PTCHD4: variants seen among roughly 807,000 people sequenced by gnomAD.
PTCHD4 encodes patched domain-containing protein 4.
PTCHD4 carries 33 observed loss-of-function variants against 58.1 expected under a neutral mutation model. That is an observed-to-expected ratio of 0.57 (90% CI 0.43 to 0.76). The LOEUF is 0.76. PTCHD4 is among the 30% of genes least tolerant of loss of function. The pLI is 0.00. For missense variants in PTCHD4, 1,058 were observed against 1,027.1 expected (o/e 1.03, Z -0.41); for synonymous variants, 478 against 409.6 (o/e 1.17, Z -2.02).
chr6:47,866,961 T>C lies in PTCHD4; in HGVS notation c.*11342A>G, dbSNP rs928376550. On this transcript the variant is annotated 3_prime_UTR_variant, in exon 5 of 5. Transcript: ENST00000339488. ...CAGTTATTTTTCATCACATATAATT[T>C]ACATTTGGACTTCTCTGTACATGCA... 1.3e-5 allele frequency among the ~76,000 whole-genome samples: 2 copies of C among 151,800 alleles called. No individual in the cohort carries two copies. Among genetic ancestry groups the C allele is most frequent in the Non-Finnish European group, 2.9e-5 (2 of 67,832 alleles).
At chr6:47,953,144 C>T (rs1031237990) in intron 4 of PTCHD4, among the ~76,000 whole-genome samples, 1 of 152,054 alleles carries the variant, frequency 6.6e-6, no homozygotes, top group African/African-American at 2.4e-5. Context: ...GAGTTCCCCC[C>T]TTAACTTCTG....
intron 4 of PTCHD4, among the ~76,000 whole-genome samples, chr6:48,001,557 T>C (rs1581999238): frequency 6.6e-6 from 1 of 152,230 alleles, no homozygotes; most frequent in Admixed American, 6.5e-5. Flanking sequence ...GATAGCCATA[T>C]GTGGAAAGCT....
intron 4 of PTCHD4, among the ~76,000 whole-genome samples, chr6:47,893,290 C>T (rs540037139): frequency 6.6e-5 from 10 of 151,202 alleles, no homozygotes; most frequent in Admixed American, 1.3e-4. Context: ...ATTACAGGCG[C>T]GAGCCACAAC....
intron 4 of PTCHD4, among the ~76,000 whole-genome samples, chr6:47,910,110 T>TA (rs1765023343): frequency 6.6e-6 from 1 of 152,194 alleles, no homozygotes; most frequent in Admixed American, 6.6e-5. Flanking sequence ...ACTGGATGTG[T>TA]AAAACACTTC....
At chr6:47,903,573 C>T (rs954267222) in intron 4 of PTCHD4, among the ~76,000 whole-genome samples, 1 of 152,084 alleles carries the variant, frequency 6.6e-6, no homozygotes, top group Non-Finnish European at 1.5e-5. Context: ...CCTTGGCCTC[C>T]GAAGGTGCTG....
chr6:47,907,522 A>T (rs1764930360), intron 4 of PTCHD4, among the ~76,000 whole-genome samples: 1 of 152,162 alleles, frequency 6.6e-6, no homozygotes, highest in African/African-American at 2.4e-5. Context: ...CATGGGATGA[A>T]TGCCCTCTGT....
At chr6:48,067,917 C>A (rs1375839766) in intron 3 of PTCHD4, among the ~76,000 whole-genome samples, 1 of 151,780 alleles carries the variant, frequency 6.6e-6, no homozygotes, top group Non-Finnish European at 1.5e-5. Context: ...ACTCAGTTGC[C>A]CATCTTTTCC....
In PTCHD4 at chr6:47,878,518, C is replaced by T; in HGVS notation, c.2317G>A (p.Val773Met). Reference protein sequence around the residue: ...FLIGLVPLLFVPSNLTFTLFK... With the variant: ...FLIGLVPLLFMPSNLTFTLFK... Reference sequence around the variant, plus strand: ...AGTGTGAAGGTCAGGTTCGAAGGCACAAATAGAAGGGGGACTAACCCAATA... The same window carrying T: ...AGTGTGAAGGTCAGGTTCGAAGGCATAAATAGAAGGGGGACTAACCCAATA... The change falls in exon 5 of 5, where the codon GTG (valine) becomes ATG (methionine). Residue 773 changes from valine (V) to methionine (M), a missense_variant. Transcript: ENST00000339488. 6.2e-7 allele frequency: 1 copy of T among 1,613,418 alleles called. No homozygotes were observed. Among genetic ancestry groups the T allele is most frequent in the Non-Finnish European group, 8.5e-7 (1 of 1,179,690 alleles).
chr6:48,057,064 C>A (rs1764432405), intron 3 of PTCHD4, among the ~76,000 whole-genome samples: 1 of 152,152 alleles, frequency 6.6e-6, no homozygotes, highest in Admixed American at 6.5e-5. Context: ...ATTTGGCAAC[C>A]CATCAGGTGC....
At chr6:48,006,322 G>A (rs1011733671) in intron 4 of PTCHD4, among the ~76,000 whole-genome samples, 3 of 152,080 alleles carry the variant, frequency 2.0e-5, no homozygotes, top group Admixed American at 6.5e-5. Flanking sequence ...AATACCTCTC[G>A]GGCTTCACAG....
At chr6:48,097,481 A>G (rs1765498214) in intron 1 of PTCHD4, among the ~76,000 whole-genome samples, 1 of 152,202 alleles carries the variant, frequency 6.6e-6, no homozygotes, top group African/African-American at 2.4e-5. Flanking sequence ...AAAGAATTCC[A>G]AGTAGCATGC....
chr6:47,916,861 A>G (rs1182390643), intron 4 of PTCHD4, among the ~76,000 whole-genome samples: 1 of 152,164 alleles, frequency 6.6e-6, no homozygotes, highest in Non-Finnish European at 1.5e-5. Flanking sequence ...AGTTGGAGAC[A>G]ATAATTAGAG....
In PTCHD4 at chr6:47,858,427, G is replaced by A. The variant is rs1249607043; in HGVS notation, c.*19876C>T. Among the ~76,000 whole-genome samples, 5 of 151,980 alleles carry A rather than the reference G, an allele frequency of 3.3e-5. No homozygotes were observed. The highest frequency in any genetic ancestry group is 1.2e-4 in the African/African-American group (5 of 41,402). Reference sequence around the variant, plus strand: ...AGTAACAATCTCAGCTGAGAATGAGGCAGAAATGTAAACATTAATGGAAAT... The same window carrying A: ...AGTAACAATCTCAGCTGAGAATGAGACAGAAATGTAAACATTAATGGAAAT... On this transcript the variant is annotated 3_prime_UTR_variant, in exon 5 of 5. Transcript: ENST00000339488.
Position 47,879,312 on chromosome 6 carries a change from T to C in PTCHD4, c.1523A>G (p.Tyr508Cys), listed in dbSNP as rs1328977218. 3 of 1,612,902 alleles carry C rather than the reference T, an allele frequency of 1.9e-6. No homozygotes were observed. Among genetic ancestry groups the C allele is most frequent in the Non-Finnish European group, 2.5e-6 (3 of 1,179,476 alleles). Residue 508 changes from tyrosine to cysteine, a missense_variant, in exon 5 of 5, where the codon TAT becomes TGT. Coordinates refer to ENST00000339488, the MANE Select transcript of PTCHD4 (RefSeq NM_001384253.1). ...TATCACAGGGCTATAGTTGCTGAAA[T>C]ATTTCTGCTGAACCATGGCATAGGA... ...SVSYAMVQQK[Y>C]FSNYSPVIGF...
At chr6:47,900,066 G>A (rs781029805) in intron 4 of PTCHD4, 6 of 151,920 alleles carry the variant, frequency 3.9e-5, no homozygotes, top group Non-Finnish European at 8.8e-5. Context: ...TCTACCTTTT[G>A]CCATTATGAA....
At position 47,873,331 on chromosome 6, in the gene PTCHD4, C is replaced by T. The variant is rs948714604; in HGVS notation, c.*4972G>A. 2.6e-5 allele frequency among the ~76,000 whole-genome samples: 4 copies of T among 151,860 alleles called. No homozygotes were observed. Among genetic ancestry groups the T allele is most frequent in the South Asian group, 2.1e-4 (1 of 4,830 alleles). ...TTGTTCTATCACACCTACTTACAGA[C>T]ATCTTGATTTCTGAGATGTGGGCTC... On this transcript the variant is annotated 3_prime_UTR_variant, in exon 5 of 5. Coordinates refer to ENST00000339488, the MANE Select transcript of PTCHD4 (RefSeq NM_001384253.1).
In PTCHD4 at chr6:47,876,615, G is replaced by C. The variant is rs1763855480; in HGVS notation, c.*1688C>G. ...TTGTTATTTTAGGTATTATTAATTT[G>C]ATTAAAACATAGAACCAAAGTTGAT... On this transcript the variant is annotated 3_prime_UTR_variant, in exon 5 of 5. Coordinates refer to ENST00000339488, the MANE Select transcript of PTCHD4 (RefSeq NM_001384253.1). Among the ~76,000 whole-genome samples, 1 of 151,858 alleles carries C rather than the reference G, an allele frequency of 6.6e-6. No homozygotes were observed. Among genetic ancestry groups the C allele is most frequent in the Admixed American group, 6.6e-5 (1 of 15,210 alleles).
intron 4 of PTCHD4, among the ~76,000 whole-genome samples, chr6:47,991,103 T>C (rs1768266858): frequency 6.6e-6 from 1 of 152,112 alleles, no homozygotes; most frequent in South Asian, 2.1e-4. Flanking sequence ...ATCATTTGAA[T>C]AGATAAAGCT....
intron 4 of PTCHD4, among the ~76,000 whole-genome samples, chr6:47,969,334 G>A (rs991701685): frequency 1.4e-4 from 22 of 152,192 alleles, no homozygotes; most frequent in African/African-American, 4.1e-4. Context: ...CCTATCAAGC[G>A]TGCATTTACT....
Sources: gnomAD v4.1 joint callset for allele counts (sites outside exome capture counted in the v4.1 genomes callset) on GRCh38, gnomAD v4.1.1 for gene constraint, MANE v1.5 for transcripts, NCBI Gene and HGNC (gene_info 2026-07-23, HGNC 2026-07-21) for gene names.